The following KLHL32 variants were observed in gnomAD, a reference collection of about 807,000 sequenced individuals.
The protein encoded by KLHL32 is kelch like family member 32.
KLHL32 carries 35 observed loss-of-function variants against 64.8 expected under a neutral mutation model. The observed-to-expected ratio is 0.54, with a 90% CI of 0.41 to 0.72. The LOEUF is 0.72. Among genes scored for constraint, KLHL32 ranks in the 30% least tolerant of loss-of-function variants. The pLI is 0.00. For missense variants in KLHL32, 589 were observed against 768.5 expected, an observed-to-expected ratio of 0.77 and a Z score of 2.76; for synonymous variants, 259 against 281.0, an observed-to-expected ratio of 0.92 and a Z score of 0.78.
At position 97,101,889 on chromosome 6, in the gene KLHL32, G is replaced by T. The variant is rs1010336636; in HGVS notation, c.628-11894G>T. Among the ~76,000 whole-genome samples the T allele has an allele frequency of 3.9e-5, 6 of 152,164 alleles. No individual in the cohort carries two copies. In the South Asian group the frequency reaches 1.0e-3, roughly 26 times the overall value. On this transcript the variant is annotated intron_variant, in intron 6 of 10. Transcript: ENST00000369261. ...ATGTTGTATTACATAAAAATGGTCT[G>T]CATGTGATGGCTTTATCATGAATTT...
chr6:97,091,487 C>T (rs907391739), intron 6 of KLHL32, among the ~76,000 whole-genome samples: 2 of 152,166 alleles, frequency 1.3e-5, no homozygotes, highest in African/African-American at 4.8e-5. Context: ...TGGGAAGCAC[C>T]AACAGGGTCC....
intron 1 of KLHL32, among the ~76,000 whole-genome samples, chr6:96,933,221 T>A (rs72924749): frequency 0.13 from 19,955 of 152,208 alleles, 1,574 homozygotes; most frequent in East Asian, 0.26. Flanking sequence ...TGAAATTCCC[T>A]TACCCCTCAA....
intron 3 of KLHL32, among the ~76,000 whole-genome samples, chr6:97,034,649 T>G (rs1387638854): frequency 6.6e-6 from 1 of 152,102 alleles, no homozygotes; most frequent in Non-Finnish European, 1.5e-5. Context: ...CATGGATGTC[T>G]TTCCATTTTA....
chr6:96,952,019 A>C (rs1772687601), intron 1 of KLHL32, among the ~76,000 whole-genome samples: 1 of 152,026 alleles, frequency 6.6e-6, no homozygotes, highest in African/African-American at 2.4e-5. Flanking sequence ...GGTACTTTGG[A>C]TTCCCCCCAC....
Position 97,064,723 on chromosome 6 carries a change from C to T in KLHL32, c.408C>T (p.Ile136=). 1 of 1,611,516 alleles carries T rather than the reference C, an allele frequency of 6.2e-7. No individual in the cohort carries two copies. The highest frequency in any genetic ancestry group is 1.1e-5 in the South Asian group (1 of 91,024). ...TCAATTTATGCTCCCACTATCTCAT[C>T]CAGGTATGTGAGCTTGCATCCTGCT... ...ELLNLCSHYL[I]QELNSFNYLD... Residue 136 remains isoleucine (I), a synonymous_variant, in exon 5 of 11, where the codon ATC becomes ATT. Coordinates refer to ENST00000369261, the MANE Select transcript of KLHL32 (RefSeq NM_052904.4).
intron 3 of KLHL32, among the ~76,000 whole-genome samples, chr6:97,026,906 G>A (rs1269163432): frequency 6.6e-6 from 1 of 152,096 alleles, no homozygotes; most frequent in Non-Finnish European, 1.5e-5. Context: ...GCTTACACCT[G>A]TATTCCCAGC....
the KLHL32 span, among the ~76,000 whole-genome samples, chr6:96,911,348 A>T: frequency 6.6e-6 from 1 of 152,182 alleles, no homozygotes; most frequent in Non-Finnish European, 1.5e-5. Flanking sequence ...AGCCTGACCC[A>T]TTCTACTTCC....
intron 6 of KLHL32, among the ~76,000 whole-genome samples, chr6:97,097,126 A>C (rs571028421): frequency 6.8e-4 from 103 of 152,286 alleles, no homozygotes; most frequent in Non-Finnish European, 1.3e-3. Flanking sequence ...AGGGAAAAAA[A>C]CCACGCAAAT....
chr6:97,135,896 T>A (rs1799953633), intron 10 of KLHL32, among the ~76,000 whole-genome samples: 1 of 152,144 alleles, frequency 6.6e-6, no homozygotes, highest in Admixed American at 6.5e-5. Flanking sequence ...TCTTTACTAC[T>A]TAAAGAACAT....
intron 3 of KLHL32, among the ~76,000 whole-genome samples, chr6:96,982,367 G>A (rs1484420607): frequency 6.6e-6 from 1 of 152,112 alleles, no homozygotes; most frequent in African/African-American, 2.4e-5. Context: ...AATTAGAAGA[G>A]CAACCCTGCT....
chr6:96,945,403 T>C (rs1771799787), intron 1 of KLHL32, among the ~76,000 whole-genome samples: 1 of 152,208 alleles, frequency 6.6e-6, no homozygotes, highest in Non-Finnish European at 1.5e-5. Flanking sequence ...GGCAGGCCCT[T>C]TCAGAGATCA....
At chr6:97,100,035 C>T (rs1795500437) in intron 6 of KLHL32, among the ~76,000 whole-genome samples, 1 of 152,050 alleles carries the variant, frequency 6.6e-6, no homozygotes, top group South Asian at 2.1e-4. Context: ...ATCCCAGCTA[C>T]TCAGGCTGAG....
chr6:96,930,428 T>C (rs1207209008), intron 1 of KLHL32, among the ~76,000 whole-genome samples: 1 of 152,184 alleles, frequency 6.6e-6, no homozygotes, highest in African/African-American at 2.4e-5. Context: ...ATTTTCCTCA[T>C]CTGTAAAATG....
At chr6:96,951,280 T>A (rs1363459850) in intron 1 of KLHL32, among the ~76,000 whole-genome samples, 1 of 152,064 alleles carries the variant, frequency 6.6e-6, no homozygotes, top group Non-Finnish European at 1.5e-5. Flanking sequence ...AGAGGAGATG[T>A]CAACAGCCCT....
chr6:97,098,337 C>T (rs1795267767), intron 6 of KLHL32, among the ~76,000 whole-genome samples: 1 of 152,098 alleles, frequency 6.6e-6, no homozygotes, highest in African/African-American at 2.4e-5. Context: ...GAGCTAGAAT[C>T]GTTTTGCCTT....
At chr6:96,999,248 T>C (rs535272005) in intron 3 of KLHL32, among the ~76,000 whole-genome samples, 5 of 152,104 alleles carry the variant, frequency 3.3e-5, no homozygotes, top group African/African-American at 1.2e-4. Context: ...ATTAGAAAAT[T>C]AGCTGGGCAT....
chr6:96,983,254 T>G (rs1481167802), intron 3 of KLHL32, among the ~76,000 whole-genome samples: 2 of 152,286 alleles, frequency 1.3e-5, no homozygotes, highest in Non-Finnish European at 2.9e-5. Flanking sequence ...TGGATAAGCT[T>G]CTTGATGTGC....
chr6:96,904,761 A>T, the KLHL32 span, among the ~76,000 whole-genome samples: 1 of 152,222 alleles, frequency 6.6e-6, no homozygotes, highest in African/African-American at 2.4e-5. Context: ...ACTTTATGGT[A>T]TGGTATTGTT....
chr6:97,070,081 C>A (rs913825818), intron 5 of KLHL32, among the ~76,000 whole-genome samples: 1 of 151,816 alleles, frequency 6.6e-6, no homozygotes, highest in African/African-American at 2.4e-5. Context: ...ACCATTTTTT[C>A]CCACATTAGA....
Sources: gnomAD v4.1 joint callset for allele counts (sites outside exome capture counted in the v4.1 genomes callset) on GRCh38, gnomAD v4.1.1 for gene constraint, MANE v1.5 for transcripts, NCBI Gene and HGNC (gene_info 2026-07-23, HGNC 2026-07-21) for gene names.